PARD3: variants seen among roughly 807,000 people sequenced by gnomAD.
PARD3 encodes par-3 family cell polarity regulator, also known as partitioning defective 3 homolog.
In PARD3, 75 loss-of-function variants were observed where a neutral mutation model predicts 155.4. That is an observed-to-expected ratio of 0.48 (90% CI 0.40 to 0.58). The LOEUF (loss-of-function observed/expected upper bound fraction) is 0.58, where lower values mean the gene tolerates loss of function less well. Ranked by LOEUF, PARD3 falls within the 20% of genes least tolerant of loss-of-function variation. PARD3 has a pLI of 0.00. For synonymous variants in PARD3, 576 were observed against 610.5 expected (o/e 0.94, Z 0.83); for missense variants, 1,642 against 1,721.7 (o/e 0.95, Z 0.82).
intron 20 of PARD3, among the ~76,000 whole-genome samples, chr10:34,291,402 A>C (rs1189990425): frequency 1.3e-5 from 2 of 152,254 alleles, no homozygotes; most frequent in African/African-American, 4.8e-5. Context: ...TATGAAGTTC[A>C]CTTTGTGTAA....
At position 34,242,732 on chromosome 10, in the gene PARD3, G is replaced by A. The variant is rs545970610; in HGVS notation, c.3419+26925C>T. ...GCAGATCATTTGAGGTCAGGAGTTC[G>A]AGACCAGCCTGACCAACATGGTGAA... is the stretch of plus-strand genomic sequence containing the variant. On this transcript the variant is annotated intron_variant, in intron 22 of 24. Transcript: ENST00000374788. 2.0e-4 allele frequency among the ~76,000 whole-genome samples: 31 copies of A among 152,068 alleles called. 1 individual carries two copies. The highest frequency in any genetic ancestry group is 3.2e-3 in the Middle Eastern group (1 of 316).
chr10:34,312,290 T>C, intron 20 of PARD3: 1 of 1,602,502 alleles, frequency 6.2e-7, no homozygotes, highest in South Asian at 1.1e-5. Flanking sequence ...ATTGTTTGTT[T>C]AAAAAAAACA....
chr10:34,599,683 G>A (rs911580029), intron 2 of PARD3, among the ~76,000 whole-genome samples: 1 of 152,098 alleles, frequency 6.6e-6, no homozygotes, highest in South Asian at 2.1e-4. Context: ...TAATTCGAAT[G>A]ACCTTATGTG....
chr10:34,614,733 G>A (rs187190653), intron 2 of PARD3, among the ~76,000 whole-genome samples: 131 of 152,110 alleles, frequency 8.6e-4, no homozygotes, highest in African/African-American at 2.7e-3. Flanking sequence ...TCTACAGATC[G>A]AATGCATCCT....
At chr10:34,172,509 G>A (rs36014115) in intron 22 of PARD3, among the ~76,000 whole-genome samples, 4,171 of 152,120 alleles carry the variant, frequency 0.027, 83 homozygotes, top group Non-Finnish European at 0.041. Flanking sequence ...TAATGTGCAC[G>A]TGTGTTATTT....
intron 2 of PARD3, among the ~76,000 whole-genome samples, chr10:34,693,172 A>G (rs562295453): frequency 6.6e-6 from 1 of 152,352 alleles, no homozygotes; most frequent in East Asian, 1.9e-4. Context: ...TAGTTTGGCC[A>G]TTGTGGAAAG....
chr10:34,163,957 C>T (rs950051948), intron 22 of PARD3, among the ~76,000 whole-genome samples: 1 of 152,154 alleles, frequency 6.6e-6, no homozygotes, highest in Non-Finnish European at 1.5e-5. Context: ...CAAAGTAACT[C>T]AACTGGATTC....
chr10:34,372,490 G>C lies in PARD3; in HGVS notation c.1707+8C>G. ...ATCTCTGCATCCTTCAAAAGACAAA[G>C]CTCTTACCGTTTCTTTTGGAATCTG... On this transcript the variant is annotated splice_region_variant and intron_variant, in intron 12 of 24. Transcript: ENST00000374788. 6.2e-7 allele frequency: 1 copy of C among 1,604,020 alleles called. No homozygotes were observed. The highest frequency in any genetic ancestry group is 8.5e-7 in the Non-Finnish European group (1 of 1,171,208).
intron 1 of PARD3, among the ~76,000 whole-genome samples, chr10:34,771,277 G>T (rs1323124416): frequency 6.6e-6 from 1 of 152,222 alleles, no homozygotes; most frequent in African/African-American, 2.4e-5. Context: ...GTGCAGCTCA[G>T]AACGTGGCTC....
At chr10:34,658,695 A>G (rs2093247587) in intron 2 of PARD3, among the ~76,000 whole-genome samples, 1 of 152,180 alleles carries the variant, frequency 6.6e-6, no homozygotes, top group Admixed American at 6.5e-5. Context: ...GGAAGCAAAC[A>G]AGGGCCATGT....
At chr10:34,230,703 G>A (rs752755947) in intron 22 of PARD3, among the ~76,000 whole-genome samples, 1 of 152,022 alleles carries the variant, frequency 6.6e-6, no homozygotes, top group Non-Finnish European at 1.5e-5. Flanking sequence ...GAGCAGAGAG[G>A]AAATTGTACA....
chr10:34,809,594 C>T (rs1449122701), intron 1 of PARD3, among the ~76,000 whole-genome samples: 1 of 152,132 alleles, frequency 6.6e-6, no homozygotes, highest in Non-Finnish European at 1.5e-5. Flanking sequence ...ACAGAGGCAG[C>T]AAAGTGTATG....
chr10:34,435,675 A>T lies in PARD3; in HGVS notation c.714+14642T>A, dbSNP rs535931191. Among the ~76,000 whole-genome samples the T allele has an allele frequency of 4.6e-5, 7 of 152,368 alleles. No individual in the cohort carries two copies. In the South Asian group the frequency reaches 1.4e-3, roughly 32 times the overall value. ...TTTGGCAAGAAGACCACATTCATTC[A>T]CAAAAGTTTAAATATTTCACATAGG... On this transcript the variant is annotated intron_variant, in intron 5 of 24. Transcript: ENST00000374788.
chr10:34,197,102 A>G (rs1305978014), intron 22 of PARD3, among the ~76,000 whole-genome samples: 1 of 152,192 alleles, frequency 6.6e-6, no homozygotes, highest in Non-Finnish European at 1.5e-5. Flanking sequence ...AGTTAAATTA[A>G]TATGAAGAAT....
At chr10:34,614,380 A>G (rs919206659) in intron 2 of PARD3, among the ~76,000 whole-genome samples, 15 of 152,182 alleles carry the variant, frequency 9.9e-5, no homozygotes, top group Non-Finnish European at 2.2e-4. Context: ...AGATTAAGGG[A>G]AAAAAAGAAA....
chr10:34,557,950 A>AG (rs1452860105), intron 2 of PARD3, among the ~76,000 whole-genome samples: 8 of 151,918 alleles, frequency 5.3e-5, no homozygotes, highest in South Asian at 2.1e-4. Context: ...AAAAAAAAAA[A>AG]AAAGAAAGAA....
chr10:34,716,585 CTT>C (rs34751073), intron 1 of PARD3, among the ~76,000 whole-genome samples: 2,566 of 73,358 alleles, frequency 0.035, 89 homozygotes, highest in African/African-American at 0.12. Flanking sequence ...GATGGCTTTT[CTT>C]TTTTTTTTTT....
At chr10:34,180,262 G>A (rs1023686117) in intron 22 of PARD3, among the ~76,000 whole-genome samples, 2 of 152,130 alleles carry the variant, frequency 1.3e-5, no homozygotes, top group African/African-American at 4.8e-5. Context: ...GGCCAGGATG[G>A]TCTCGGTCTC....
chr10:34,471,474 T>C (rs1347318394), intron 3 of PARD3, among the ~76,000 whole-genome samples: 1 of 152,106 alleles, frequency 6.6e-6, no homozygotes, highest in Non-Finnish European at 1.5e-5. Context: ...TAAGACAAAA[T>C]TTAAATTATG....
Sources: allele counts gnomAD v4.1 joint callset (sites outside exome capture counted in the v4.1 genomes callset), GRCh38; gene constraint gnomAD v4.1.1; transcripts MANE v1.5; gene names NCBI Gene and HGNC (gene_info 2026-07-23, HGNC 2026-07-21).